Variants in LINGO2 observed in about 807,000 individuals in gnomAD.
LINGO2 encodes the protein leucine rich repeat and Ig domain containing 2, also known as leucine-rich repeat and immunoglobulin-like domain-containing nogo receptor-interacting protein 2.
LINGO2 carries 14 observed loss-of-function variants against 30.6 expected under a neutral mutation model. That is an observed-to-expected ratio of 0.46 (90% CI 0.30 to 0.72). The LOEUF (loss-of-function observed/expected upper bound fraction) is 0.72, where lower values mean the gene tolerates loss of function less well. Ranked by LOEUF, LINGO2 falls within the 30% of genes least tolerant of loss-of-function variation. The probability of loss-of-function intolerance (pLI) is 0.07; values close to 1 mark genes in which losing one functional copy is unlikely to be tolerated. For missense variants in LINGO2, 729 were observed against 751.7 expected (o/e 0.97, Z 0.35); for synonymous variants, 317 against 288.5 (o/e 1.10, Z -1.00).
At chr9:27,973,125 G>A (rs1208823652) in intron 5 of LINGO2, among the ~76,000 whole-genome samples, 1 of 152,048 alleles carries the variant, frequency 6.6e-6, no homozygotes, top group Non-Finnish European at 1.5e-5. Flanking sequence ...AGGACTTCTT[G>A]GCCTTCATAA....
At chr9:28,401,031 A>T (rs1472622011) in intron 2 of LINGO2, among the ~76,000 whole-genome samples, 1 of 152,184 alleles carries the variant, frequency 6.6e-6, no homozygotes, top group East Asian at 1.9e-4. Context: ...ACATACGGAA[A>T]TGTGTTTGCA....
chr9:28,536,739 C>A (rs1457273877), intron 1 of LINGO2, among the ~76,000 whole-genome samples: 4 of 151,934 alleles, frequency 2.6e-5, no homozygotes, highest in African/African-American at 4.8e-5. Flanking sequence ...GACCATATAC[C>A]AGAATAACAA....
At chr9:27,998,441 C>T (rs113387860) in intron 5 of LINGO2, among the ~76,000 whole-genome samples, 286 of 152,266 alleles carry the variant, frequency 1.9e-3, no homozygotes, top group African/African-American at 6.4e-3. Context: ...AGCAAGGATG[C>T]CCTCAGATGA....
intron 4 of LINGO2, among the ~76,000 whole-genome samples, chr9:28,111,727 G>C (rs1329761215): frequency 6.6e-6 from 1 of 152,020 alleles, no homozygotes; most frequent in Non-Finnish European, 1.5e-5. Flanking sequence ...CATATTAATT[G>C]ATCAATGAAG....
chr9:28,384,911 T>A (rs1821516496), intron 2 of LINGO2, among the ~76,000 whole-genome samples: 1 of 152,116 alleles, frequency 6.6e-6, no homozygotes, highest in South Asian at 2.1e-4. Flanking sequence ...ACTTTACAAA[T>A]AGCACTCCAC....
chr9:27,947,411 AT>A (rs1203342498), downstream of LINGO2, among the ~76,000 whole-genome samples: 1 of 152,186 alleles, frequency 6.6e-6, no homozygotes, highest in Non-Finnish European at 1.5e-5. Flanking sequence ...AACTTGACAT[AT>A]TTATGGGGCT....
At chr9:28,709,310 G>C in the LINGO2 span, among the ~76,000 whole-genome samples, 1 of 151,994 alleles carries the variant, frequency 6.6e-6, no homozygotes, top group Non-Finnish European at 1.5e-5. Flanking sequence ...TTAGTTTAGT[G>C]TGTTTTCAGG....
intron 4 of LINGO2, among the ~76,000 whole-genome samples, chr9:28,042,244 A>G (rs1305306404): frequency 6.6e-6 from 1 of 152,204 alleles, no homozygotes; most frequent in Non-Finnish European, 1.5e-5. Flanking sequence ...TGATTAGGAC[A>G]TGCTTCAGAG....
rs34965220 is a variant in LINGO2 at position 28,048,844 on chromosome 9, CTATA to C, written c.-86-36443_-86-36440del. 1.5e-4 allele frequency among the ~76,000 whole-genome samples: 23 copies of C among 150,150 alleles called. 1 individual carries two copies. Among genetic ancestry groups the C allele is most frequent in the Non-Finnish European group, 3.0e-4 (20 of 67,736 alleles). ...TGAAAATAGCAACATATATATGTAA[CTATA>C]TATATATGTAGTTTGTGTTTGTGTT... is the stretch of plus-strand genomic sequence containing the variant. On this transcript the variant is annotated intron_variant, in intron 4 of 5. Coordinates refer to ENST00000379992, the Ensembl canonical transcript of LINGO2.
chr9:28,408,786 A>C (rs200790112), intron 2 of LINGO2, among the ~76,000 whole-genome samples: 9,880 of 45,922 alleles, frequency 0.22, 395 homozygotes, highest in Admixed American at 0.35. Context: ...AAAAAAAAAA[A>C]ACAAAAAAAA....
the LINGO2 span, among the ~76,000 whole-genome samples, chr9:29,119,491 A>T: frequency 6.6e-6 from 1 of 152,094 alleles, no homozygotes; most frequent in Non-Finnish European, 1.5e-5. Flanking sequence ...TAATAGAAAT[A>T]CTAATGCATA....
At chr9:28,811,276 T>C in the LINGO2 span, among the ~76,000 whole-genome samples, 1 of 152,170 alleles carries the variant, frequency 6.6e-6, no homozygotes, top group Non-Finnish European at 1.5e-5. Flanking sequence ...TCCTATTACA[T>C]GACCACCACC....
chr9:28,632,357 T>A (rs956011430), intron 1 of LINGO2, among the ~76,000 whole-genome samples: 1 of 151,878 alleles, frequency 6.6e-6, no homozygotes, highest in African/African-American at 2.4e-5. Flanking sequence ...TATTGGCTTG[T>A]AGGGAGAAGC....
At chr9:29,033,384 A>ATATATATG in the LINGO2 span, among the ~76,000 whole-genome samples, 1 of 149,724 alleles carries the variant, frequency 6.7e-6, no homozygotes, top group East Asian at 2.0e-4. Flanking sequence ...TTTACTATAT[A>ATATATATG]TATATATATA....
At chr9:28,119,286 C>A (rs1827025026) in intron 4 of LINGO2, among the ~76,000 whole-genome samples, 1 of 152,074 alleles carries the variant, frequency 6.6e-6, no homozygotes, top group Non-Finnish European at 1.5e-5. Context: ...GGTGCCCATG[C>A]CCAGCTAATT....
the LINGO2 span, among the ~76,000 whole-genome samples, chr9:28,924,134 C>T: frequency 6.6e-6 from 1 of 152,212 alleles, no homozygotes; most frequent in Admixed American, 6.5e-5. Flanking sequence ...GTGTACTATA[C>T]TTTAACTCCC....
intron 4 of LINGO2, among the ~76,000 whole-genome samples, chr9:28,237,022 T>G (rs966193464): frequency 1.4e-5 from 2 of 146,966 alleles, no homozygotes; most frequent in South Asian, 2.1e-4. Flanking sequence ...ACAAGTACTA[T>G]GTACTGCAAA....
intron 4 of LINGO2, among the ~76,000 whole-genome samples, chr9:28,045,655 T>A (rs1376858486): frequency 6.6e-6 from 1 of 152,232 alleles, no homozygotes; most frequent in African/African-American, 2.4e-5. Flanking sequence ...CAGATATTTT[T>A]AAACTTGGAA....
chr9:27,973,132 A>G (rs568888435), intron 5 of LINGO2, among the ~76,000 whole-genome samples: 1 of 152,248 alleles, frequency 6.6e-6, no homozygotes, highest in African/African-American at 2.4e-5. Context: ...CTTGGCCTTC[A>G]TAATTGCATG....
Sources: gnomAD v4.1 joint callset for allele counts (sites outside exome capture counted in the v4.1 genomes callset) on GRCh38, gnomAD v4.1.1 for gene constraint, MANE v1.5 for transcripts, NCBI Gene and HGNC (gene_info 2026-07-23, HGNC 2026-07-21) for gene names.